Variants in TRPM3 observed in about 807,000 individuals in gnomAD.
The protein encoded by TRPM3 is transient receptor potential cation channel subfamily M member 3.
TRPM3 carries 77 observed loss-of-function variants against 181.2 expected under a neutral mutation model. That is an observed-to-expected ratio of 0.42 (90% CI 0.35 to 0.51). The LOEUF is 0.51. TRPM3 is among the 20% of genes least tolerant of loss of function. The probability of loss-of-function intolerance (pLI) is 0.01; values close to 1 mark genes in which losing one functional copy is unlikely to be tolerated. For synonymous variants in TRPM3, 745 were observed against 796.4 expected, an observed-to-expected ratio of 0.94 and a Z score of 1.09; for missense variants, 1,759 against 2,196.7, an observed-to-expected ratio of 0.80 and a Z score of 3.98.
At chr9:71,114,623 G>C (rs1007655100) in intron 1 of TRPM3, among the ~76,000 whole-genome samples, 2 of 152,226 alleles carry the variant, frequency 1.3e-5, no homozygotes, top group Admixed American at 6.5e-5. Context: ...GAGGTGGTTG[G>C]GTTGGGGAGT....
chr9:71,307,360 TTC>T (rs1242047532), intron 1 of TRPM3, among the ~76,000 whole-genome samples: 69 of 152,292 alleles, frequency 4.5e-4, no homozygotes, highest in African/African-American at 1.6e-3. Context: ...AGTTGTTGAT[TTC>T]TAACAGTATT....
Position 71,286,186 on chromosome 9 carries a change from A to G in TRPM3, c.183+160467T>C, listed in dbSNP as rs78189621. The stretch of plus-strand genomic sequence containing the variant: ...AATCACCGCAATTTTGTGAGGTGTC[A>G]TCAGACCAGGTTTAGTAGTTTTGTA... On this transcript the variant is annotated intron_variant, in intron 1 of 24. Coordinates refer to the TRPM3 transcript ENST00000357533. Among the ~76,000 whole-genome samples the G allele has an allele frequency of 2.8e-4, 42 of 152,346 alleles. No homozygotes were observed. The East Asian group carries it at 7.5e-3, about 27-fold the overall frequency.
intron 1 of TRPM3, among the ~76,000 whole-genome samples, chr9:70,915,881 T>C (rs1032770964): frequency 2.6e-5 from 4 of 152,056 alleles, no homozygotes; most frequent in Non-Finnish European, 5.9e-5. Flanking sequence ...AATATCCAAG[T>C]ACAAGAAGGT....
chr9:71,176,576 T>C (rs1364750968), intron 1 of TRPM3, among the ~76,000 whole-genome samples: 1 of 152,082 alleles, frequency 6.6e-6, no homozygotes, highest in Non-Finnish European at 1.5e-5. Context: ...ATTGAAAAAA[T>C]AAAATTTTAT....
chr9:71,235,007 A>G (rs1035348807), intron 1 of TRPM3, among the ~76,000 whole-genome samples: 2 of 152,240 alleles, frequency 1.3e-5, no homozygotes, highest in Admixed American at 6.5e-5. Context: ...ATTCCTTCTC[A>G]TGAACAGCAG....
intron 1 of TRPM3, among the ~76,000 whole-genome samples, chr9:71,090,532 C>G (rs958462217): frequency 2.8e-4 from 43 of 152,146 alleles, no homozygotes; most frequent in Non-Finnish European, 1.9e-4. Context: ...ATCAAGGTGT[C>G]CCCTAAGAGA....
intron 1 of TRPM3, among the ~76,000 whole-genome samples, chr9:71,429,165 T>A (rs2093919455): frequency 6.6e-6 from 1 of 152,168 alleles, no homozygotes; most frequent in South Asian, 2.1e-4. Context: ...TTTCATATTC[T>A]TCAGAGGGAT....
chr9:70,784,901 A>T (rs553351400), intron 6 of TRPM3, among the ~76,000 whole-genome samples: 1 of 152,188 alleles, frequency 6.6e-6, no homozygotes, highest in East Asian at 1.9e-4. Context: ...TCACTCTGTT[A>T]CCCAGGCTGG....
chr9:70,678,755 T>G (rs1590206518), intron 9 of TRPM3, among the ~76,000 whole-genome samples: 1 of 152,216 alleles, frequency 6.6e-6, no homozygotes. Flanking sequence ...AATGTAACAA[T>G]TTGGTGTTAA....
chr9:71,345,762 C>T (rs1339675483), intron 1 of TRPM3, among the ~76,000 whole-genome samples: 2 of 152,052 alleles, frequency 1.3e-5, no homozygotes, highest in African/African-American at 2.4e-5. Flanking sequence ...AAGATGTGTA[C>T]AGTTATATGA....
At chr9:70,819,016 C>G (rs1052800577) in intron 6 of TRPM3, among the ~76,000 whole-genome samples, 1 of 152,184 alleles carries the variant, frequency 6.6e-6, no homozygotes, top group Non-Finnish European at 1.5e-5. Context: ...TGTCTTTACA[C>G]TTGTATAGGC....
intron 1 of TRPM3, among the ~76,000 whole-genome samples, chr9:71,149,925 G>A (rs11142704): frequency 0.058 from 8,812 of 152,128 alleles, 374 homozygotes; most frequent in African/African-American, 0.12. Context: ...ATCTCATTCT[G>A]TCATCCAGGC....
At chr9:71,081,846 G>A (rs1007556251) in intron 1 of TRPM3, among the ~76,000 whole-genome samples, 4 of 152,110 alleles carry the variant, frequency 2.6e-5, no homozygotes, top group African/African-American at 7.2e-5. Context: ...ACAAACATCT[G>A]TCTTACATTC....
chr9:70,674,390 G>T (rs2063573902), intron 9 of TRPM3, among the ~76,000 whole-genome samples: 1 of 152,108 alleles, frequency 6.6e-6, no homozygotes, highest in Non-Finnish European at 1.5e-5. Flanking sequence ...TAGTTAACTA[G>T]GATTTACCAA....
At chr9:70,657,139 T>C (rs2060466590) in intron 9 of TRPM3, among the ~76,000 whole-genome samples, 1 of 149,520 alleles carries the variant, frequency 6.7e-6, no homozygotes, top group Non-Finnish European at 1.5e-5. Flanking sequence ...TTTTATATGA[T>C]TAAGTAGTTT....
intron 1 of TRPM3, among the ~76,000 whole-genome samples, chr9:71,151,881 T>C (rs1239468625): frequency 1.3e-5 from 2 of 152,122 alleles, no homozygotes; most frequent in Non-Finnish European, 2.9e-5. Context: ...CCAAAAACAT[T>C]CGCTGAGCTC....
In TRPM3 at chr9:70,625,318, G is replaced by A. The variant is rs1424127993; in HGVS notation, c.1682C>T (p.Pro561Leu). Residue 561 changes from proline to leucine, a missense_variant, in exon 14 of 26, where the codon CCA (proline) becomes CTA (leucine). Transcript: ENST00000677713. The surrounding 1 kb of genome is among the most constrained non-coding windows in gnomAD (Gnocchi z 4.8). ...GTCAATCAGGCTGATTCTGTAGTCT[G>A]GGGGCAGGTTCCCCTATCAGGGTAG... ...GWIYFKGNLP[P>L]DYRISLIDIG... 2 of 1,614,120 alleles carry A rather than the reference G, an allele frequency of 1.2e-6. No homozygotes were observed. The highest frequency in any genetic ancestry group is 1.7e-5 in the Admixed American group (1 of 60,026).
chr9:70,880,600 T>C (rs997329070), intron 1 of TRPM3, among the ~76,000 whole-genome samples: 6 of 152,098 alleles, frequency 3.9e-5, no homozygotes, highest in African/African-American at 1.4e-4. Flanking sequence ...CCTGGCCAGG[T>C]TTAAATGATT....
intron 1 of TRPM3, among the ~76,000 whole-genome samples, chr9:70,986,413 T>TTA (rs2097422000): frequency 6.6e-6 from 1 of 152,150 alleles, no homozygotes; most frequent in South Asian, 2.1e-4. Flanking sequence ...TCTTTATTAC[T>TTA]TATACTTTAA....
Sources: allele counts gnomAD v4.1 joint callset (sites outside exome capture counted in the v4.1 genomes callset), GRCh38; gene constraint gnomAD v4.1.1; non-coding constraint Gnocchi (gnomAD v3.1); transcripts MANE v1.5; gene names NCBI Gene and HGNC (gene_info 2026-07-23, HGNC 2026-07-21).